ANKRD55: variants seen among roughly 807,000 people sequenced by gnomAD.
ANKRD55 encodes ankyrin repeat domain-containing protein 55.
A neutral mutation model predicts 60.6 loss-of-function variants in ANKRD55; 41 were observed. That is an observed-to-expected ratio of 0.68 (90% CI 0.53 to 0.88). The LOEUF is 0.88. Ranked by LOEUF, ANKRD55 falls within the 40% of genes least tolerant of loss-of-function variation. ANKRD55 has a pLI of 0.00. For missense variants in ANKRD55, 732 were observed against 767.6 expected (o/e 0.95, Z 0.55); for synonymous variants, 264 against 290.3 (o/e 0.91, Z 0.92).
At chr5:56,156,182 C>G (rs535263801) in intron 6 of ANKRD55, among the ~76,000 whole-genome samples, 131 of 152,250 alleles carry the variant, frequency 8.6e-4, no homozygotes, top group African/African-American at 3.1e-3. Flanking sequence ...TTCCAGACAG[C>G]AGGCTGTGAA....
intron 10 of ANKRD55, among the ~76,000 whole-genome samples, chr5:56,109,760 G>A (rs321774): frequency 0.22 from 32,774 of 152,078 alleles, 4,036 homozygotes; most frequent in Middle Eastern, 0.35. Flanking sequence ...GGTGGCTCAC[G>A]CCTGTAATCC....
intron 2 of ANKRD55, among the ~76,000 whole-genome samples, chr5:56,210,560 CAAAAAAAA>C (rs59566826): frequency 1.5e-5 from 1 of 65,182 alleles, no homozygotes; most frequent in African/African-American, 5.1e-5. Context: ...GACTACGTCT[CAAAAAAAA>C]AAAAAAAAAA....
intron 2 of ANKRD55, among the ~76,000 whole-genome samples, chr5:56,197,045 C>G (rs2111851566): frequency 6.6e-6 from 1 of 152,272 alleles, no homozygotes. Flanking sequence ...AGTTTGAGAA[C>G]CACTGCCAAT....
chr5:56,129,873 C>T (rs1233404443), intron 7 of ANKRD55, among the ~76,000 whole-genome samples: 1 of 152,124 alleles, frequency 6.6e-6, no homozygotes, highest in Non-Finnish European at 1.5e-5. Flanking sequence ...TCCTAAAAAG[C>T]TGGGAGGTTT....
At position 56,178,563 on chromosome 5, in the gene ANKRD55, A is replaced by G. The variant is rs1209581460; in HGVS notation, c.182-2281T>C. ...CCTGTATGTAAAATTCATATATAAAAGAAAAGGTCTTCCTTAAACAAAAGC... is the reference window on the plus strand; with the variant it reads ...CCTGTATGTAAAATTCATATATAAAGGAAAAGGTCTTCCTTAAACAAAAGC... On this transcript the variant is annotated intron_variant, in intron 3 of 11. Transcript: ENST00000341048. Among the ~76,000 whole-genome samples the G allele has an allele frequency of 3.9e-5, 6 of 152,064 alleles. No homozygotes were observed. The East Asian group carries it at 1.2e-3, about 29-fold the overall frequency.
chr5:56,102,482 C>T lies in ANKRD55; in HGVS notation c.1723+12G>A, dbSNP rs891432492. 3 of 1,574,634 alleles carry T rather than the reference C, an allele frequency of 1.9e-6. No individual in the cohort carries two copies. The highest frequency in any genetic ancestry group is 2.6e-6 in the Non-Finnish European group (3 of 1,145,610). On this transcript the variant is annotated intron_variant, in intron 11 of 11. Transcript: ENST00000341048. ...CTTGCAAAGGAAGCTGCGGAAGATTCATAATACTTACATTTTTGATCTGGT... is the reference window on the plus strand; with the variant it reads ...CTTGCAAAGGAAGCTGCGGAAGATTTATAATACTTACATTTTTGATCTGGT...
Position 56,161,096 on chromosome 5 carries a change from A to T in ANKRD55, c.423-1203T>A, listed in dbSNP as rs559272922. The stretch of plus-strand genomic sequence containing the variant: ...ACATGCTGTTATTTCTAGAGTGCTT[A>T]ACCCCAGAAGTTTGGACCCTGGCTC... On this transcript the variant is annotated intron_variant, in intron 5 of 11. Transcript: ENST00000341048. 1.7e-4 allele frequency among the ~76,000 whole-genome samples: 26 copies of T among 152,336 alleles called. No homozygotes were observed. In the South Asian group the frequency reaches 5.2e-3, roughly 30 times the overall value.
chr5:56,118,666 A>G (rs1482312189), intron 8 of ANKRD55, among the ~76,000 whole-genome samples: 1 of 147,240 alleles, frequency 6.8e-6, no homozygotes, highest in African/African-American at 2.5e-5. Flanking sequence ...AAATAAAATA[A>G]TAAAATCTTT....
intron 7 of ANKRD55, among the ~76,000 whole-genome samples, chr5:56,133,124 T>G (rs1305047638): frequency 6.6e-6 from 1 of 152,026 alleles, no homozygotes; most frequent in African/African-American, 2.4e-5. Flanking sequence ...AGAAAATCAG[T>G]AGGAATATAG....
chr5:56,229,110 T>C (rs867565138), intron 2 of ANKRD55, among the ~76,000 whole-genome samples: 70 of 148,882 alleles, frequency 4.7e-4, no homozygotes, highest in African/African-American at 6.0e-4. Flanking sequence ...TTTTTTTTTT[T>C]CCCTGTTTTC....
intron 8 of ANKRD55, chr5:56,125,584 AT>A (rs1757223591): frequency 6.6e-6 from 1 of 152,062 alleles, no homozygotes; most frequent in African/African-American, 2.4e-5. Context: ...TGGCTGGAAA[AT>A]GTCTACTTTC....
intron 11 of ANKRD55, among the ~76,000 whole-genome samples, chr5:56,102,263 G>T (rs191490566): frequency 2.6e-5 from 4 of 152,070 alleles, no homozygotes; most frequent in Non-Finnish European, 4.4e-5. Context: ...GGTGGCAGGC[G>T]CCTGTAATCC....
chr5:56,210,560 CAAAAAAAAAAAAAAAA>C (rs59566826), intron 2 of ANKRD55, among the ~76,000 whole-genome samples: 6 of 65,158 alleles, frequency 9.2e-5, no homozygotes, highest in East Asian at 4.0e-4. Context: ...GACTACGTCT[CAAAAAAAAAAAAAAAA>C]AAAAAAAAAG....
At chr5:56,187,562 G>A (rs1234157876) in intron 2 of ANKRD55, among the ~76,000 whole-genome samples, 1 of 152,110 alleles carries the variant, frequency 6.6e-6, no homozygotes, top group African/African-American at 2.4e-5. Flanking sequence ...GCTGTTTGCT[G>A]CTGTCGCAGA....
chr5:56,179,346 A>G (rs1056120913), intron 3 of ANKRD55, among the ~76,000 whole-genome samples: 5 of 152,230 alleles, frequency 3.3e-5, no homozygotes, highest in African/African-American at 1.2e-4. Context: ...CCCAGGAAAA[A>G]TAGTTCAAGC....
chr5:56,229,840 C>T (rs1760205948), intron 2 of ANKRD55, among the ~76,000 whole-genome samples: 2 of 152,158 alleles, frequency 1.3e-5, no homozygotes, highest in Admixed American at 6.5e-5. Flanking sequence ...ATGGAGAACA[C>T]CTGGGCCTCA....
At chr5:56,114,709 A>T (rs970131453) in intron 9 of ANKRD55, among the ~76,000 whole-genome samples, 1 of 152,246 alleles carries the variant, frequency 6.6e-6, no homozygotes, top group African/African-American at 2.4e-5. Context: ...AGTACAAAAA[A>T]TTCATTGATA....
At chr5:56,220,633 G>A (rs1759935531) in intron 2 of ANKRD55, among the ~76,000 whole-genome samples, 1 of 152,154 alleles carries the variant, frequency 6.6e-6, no homozygotes, top group Non-Finnish European at 1.5e-5. Context: ...TGGCCAAAAG[G>A]TGAAACCCTG....
intron 5 of ANKRD55, among the ~76,000 whole-genome samples, chr5:56,169,464 C>T (rs1758557486): frequency 6.6e-6 from 1 of 150,674 alleles, no homozygotes; most frequent in South Asian, 2.1e-4. Context: ...AAGAGGGAGT[C>T]ATCCCCTCAC....
Sources: allele counts gnomAD v4.1 joint callset (sites outside exome capture counted in the v4.1 genomes callset), GRCh38; gene constraint gnomAD v4.1.1; transcripts MANE v1.5; gene names NCBI Gene and HGNC (gene_info 2026-07-23, HGNC 2026-07-21).